NCAM1: variants seen among roughly 807,000 people sequenced by gnomAD.
NCAM1 encodes antigen recognized by monoclonal antibody 5.1H11.
A neutral mutation model predicts 109.8 loss-of-function variants in NCAM1; 14 were observed. That is an observed-to-expected ratio of 0.13 (90% CI 0.08 to 0.20). The LOEUF is 0.20. Ranked by LOEUF, NCAM1 falls within the 10% of genes least tolerant of loss-of-function variation. The pLI, the probability that NCAM1 is intolerant of heterozygous loss-of-function variation, is 1.00. For synonymous variants in NCAM1, 418 were observed against 442.9 expected, an observed-to-expected ratio of 0.94 and a Z score of 0.70; for missense variants, 774 against 1,109.9, an observed-to-expected ratio of 0.70 and a Z score of 4.30.
At chr11:113,217,480 A>C (rs1944562436) in intron 8 of NCAM1, among the ~76,000 whole-genome samples, 1 of 152,106 alleles carries the variant, frequency 6.6e-6, no homozygotes, top group Non-Finnish European at 1.5e-5. Context: ...TATACGAGAT[A>C]GTTTCAGTTC....
At chr11:113,034,182 C>A (rs1279235074) in intron 1 of NCAM1, among the ~76,000 whole-genome samples, 1 of 152,152 alleles carries the variant, frequency 6.6e-6, no homozygotes, top group Non-Finnish European at 1.5e-5. Context: ...GTTTCTTTCT[C>A]TGTCTGTTGT....
intron 1 of NCAM1, among the ~76,000 whole-genome samples, chr11:113,166,831 A>G (rs1481944705): frequency 6.6e-6 from 1 of 152,192 alleles, no homozygotes; most frequent in African/African-American, 2.4e-5. Flanking sequence ...GCATATCTCT[A>G]CATAGCCAAG....
intron 15 of NCAM1, among the ~76,000 whole-genome samples, chr11:113,251,996 G>T (rs1278348298): frequency 6.6e-6 from 1 of 152,148 alleles, no homozygotes; most frequent in Non-Finnish European, 1.5e-5. Context: ...AGTGAACACT[G>T]GAAGATAAGA....
At chr11:113,271,305 G>T (rs1223948794) in intron 18 of NCAM1, among the ~76,000 whole-genome samples, 2 of 139,382 alleles carry the variant, frequency 1.4e-5, no homozygotes, top group East Asian at 4.5e-4. Flanking sequence ...AGGAGGCGGA[G>T]GTTGCAACGA....
At chr11:113,009,947 C>T (rs2135103286) in intron 1 of NCAM1, among the ~76,000 whole-genome samples, 1 of 151,872 alleles carries the variant, frequency 6.6e-6, no homozygotes, top group African/African-American at 2.4e-5. Context: ...CCACTGTCTA[C>T]AATTCCCAGT....
At chr11:113,067,127 G>A (rs556633531) in intron 1 of NCAM1, among the ~76,000 whole-genome samples, 3 of 152,218 alleles carry the variant, frequency 2.0e-5, no homozygotes, top group Admixed American at 1.3e-4. Flanking sequence ...CCACACTACA[G>A]GAGAGGCTGT....
intron 1 of NCAM1, among the ~76,000 whole-genome samples, chr11:112,995,059 A>G (rs1184850746): frequency 6.6e-6 from 1 of 152,132 alleles, no homozygotes; most frequent in Non-Finnish European, 1.5e-5. Context: ...TGTCTTACTT[A>G]TCTTTTTATA....
intron 8 of NCAM1, among the ~76,000 whole-genome samples, chr11:113,217,422 A>G (rs1420176669): frequency 1.3e-5 from 2 of 152,088 alleles, no homozygotes; most frequent in Non-Finnish European, 2.9e-5. Context: ...TATTTTCACT[A>G]TTTCTCATAT....
chr11:113,197,160 A>T, intron 1 of NCAM1: 1 of 218,216 alleles, frequency 4.6e-6, no homozygotes, highest in South Asian at 5.2e-5. Context: ...ACCTCCCACC[A>T]GGTCCCGTGC....
chr11:113,087,177 T>C, intron 1 of NCAM1, among the ~76,000 whole-genome samples: 1 of 152,206 alleles, frequency 6.6e-6, no homozygotes, highest in East Asian at 1.9e-4. Context: ...ACTAAATGTA[T>C]AGTTGGTAAT....
intron 1 of NCAM1, among the ~76,000 whole-genome samples, chr11:112,999,848 T>TA (rs1555072107): frequency 6.6e-6 from 1 of 152,232 alleles, no homozygotes; most frequent in Non-Finnish European, 1.5e-5. Flanking sequence ...GTATACTTCT[T>TA]ACCTTTGTCA....
intron 1 of NCAM1, among the ~76,000 whole-genome samples, chr11:112,972,890 C>T (rs1173169159): frequency 6.6e-6 from 1 of 152,022 alleles, no homozygotes; most frequent in African/African-American, 2.4e-5. Context: ...GTGACGGCCT[C>T]ATCATGAAGC....
intron 1 of NCAM1, among the ~76,000 whole-genome samples, chr11:113,035,713 A>G (rs1427383981): frequency 2.6e-5 from 4 of 152,204 alleles, no homozygotes; most frequent in African/African-American, 9.7e-5. Context: ...CCTGCTTTCC[A>G]TATTTGCATT....
chr11:113,215,722 A>T (rs184672545), intron 8 of NCAM1, among the ~76,000 whole-genome samples: 30 of 152,350 alleles, frequency 2.0e-4, no homozygotes, highest in African/African-American at 5.1e-4. Context: ...GAACTGCTAA[A>T]TATTTTTGAA....
At chr11:113,177,156 A>G (rs2136529557) in intron 1 of NCAM1, among the ~76,000 whole-genome samples, 1 of 152,290 alleles carries the variant, frequency 6.6e-6, no homozygotes, top group East Asian at 1.9e-4. Flanking sequence ...CACACATTGC[A>G]TATTTTAACA....
chr11:113,217,387 C>T (rs1944560502), intron 8 of NCAM1, among the ~76,000 whole-genome samples: 1 of 152,220 alleles, frequency 6.6e-6, no homozygotes, highest in Admixed American at 6.5e-5. Context: ...CTCCAGTCCA[C>T]TCCTCTTACC....
intron 7 of NCAM1, among the ~76,000 whole-genome samples, chr11:113,210,471 T>C (rs1284889367): frequency 6.6e-6 from 1 of 152,086 alleles, no homozygotes; most frequent in Non-Finnish European, 1.5e-5. Flanking sequence ...TGTATCTGAA[T>C]TATGTGGGAG....
At chr11:113,053,745 A>C (rs1953594700) in intron 1 of NCAM1, among the ~76,000 whole-genome samples, 1 of 152,232 alleles carries the variant, frequency 6.6e-6, no homozygotes, top group Non-Finnish European at 1.5e-5. Flanking sequence ...AGTGAGGGTC[A>C]CACTGACAGT....
chr11:113,201,062 CT>C (rs1327846782), intron 1 of NCAM1, among the ~76,000 whole-genome samples: 2 of 152,162 alleles, frequency 1.3e-5, no homozygotes, highest in Non-Finnish European at 2.9e-5. Context: ...TCCTCCTTCC[CT>C]TTTCCATCCC....
Sources: allele counts gnomAD v4.1 joint callset (sites outside exome capture counted in the v4.1 genomes callset), GRCh38; gene constraint gnomAD v4.1.1; transcripts MANE v1.5; gene names NCBI Gene and HGNC (gene_info 2026-07-23, HGNC 2026-07-21).